The following EOGT variants were observed in gnomAD, a reference collection of about 807,000 sequenced individuals.
EOGT encodes EGF domain-specific O-linked N-acetylglucosamine transferase.
EOGT carries 55 observed loss-of-function variants against 70.5 expected under a neutral mutation model. That is an observed-to-expected ratio of 0.78 (90% confidence interval 0.63 to 0.98). EOGT has a LOEUF of 0.98. Among genes scored for constraint, EOGT ranks in the 50% least tolerant of loss-of-function variants. The pLI, the probability that EOGT is intolerant of heterozygous loss-of-function variation, is 0.00. For missense variants in EOGT, 703 were observed against 641.9 expected, an observed-to-expected ratio of 1.10 and a Z score of -1.03; for synonymous variants, 246 against 217.1, an observed-to-expected ratio of 1.13 and a Z score of -1.17.
At chr3:69,001,791 G>A in intron 8 of EOGT, 77 bp from the exon 9 acceptor site, 1 of 985,534 alleles carries the variant, frequency 1.0e-6, no homozygotes, top group Non-Finnish European at 1.6e-6. Flanking sequence ...CTTAGGATCT[G>A]TTCATTAGGC....
rs1249415948 is a variant in EOGT at position 68,977,663 on chromosome 3, C to T, written c.1539G>A (p.Leu513=). ...YLVLQAADHV[L]QHPKWPFKKK... is the part of the protein sequence containing the mutation. ...TCTTAAATGGCCACTTTGGGTGTTG[C>T]AATACGTGGTCTGCAGCCTGAAGGA... Residue 513 remains leucine, a synonymous_variant, in exon 18 of 18, where the codon TTG becomes TTA. Coordinates refer to ENST00000383701, the MANE Select transcript of EOGT (RefSeq NM_001278689.2). 2 of 1,613,902 alleles carry T rather than the reference C, an allele frequency of 1.2e-6. No individual in the cohort carries two copies. Among genetic ancestry groups the T allele is most frequent in the Non-Finnish European group, 1.7e-6 (2 of 1,179,930 alleles).
rs73835392 is a variant in EOGT at position 68,987,099 on chromosome 3, G to C, written c.1152+346C>G. Among the ~76,000 whole-genome samples, 125 of 152,288 alleles carry C rather than the reference G, an allele frequency of 8.2e-4. 1 individual carries two copies. The highest frequency in any genetic ancestry group is 6.8e-3 in the Middle Eastern group (2 of 294). ...TGCTGCTGATACCACAGGATTAATG[G>C]CCTCAACCATCTGTTGCATCAACTA... On this transcript the variant is annotated intron_variant, in intron 14 of 17. Transcript: ENST00000383701.
chr3:68,984,058 T>C (rs1391068603), intron 14 of EOGT, among the ~76,000 whole-genome samples: 4 of 152,146 alleles, frequency 2.6e-5, no homozygotes, highest in African/African-American at 4.8e-5. Context: ...AGAAGTGAAA[T>C]AACTTTCCCA....
chr3:69,004,647 A>T (rs1042835795), intron 7 of EOGT, among the ~76,000 whole-genome samples, 165 bp from the exon 8 acceptor site: 1 of 152,202 alleles, frequency 6.6e-6, no homozygotes, highest in African/African-American at 2.4e-5. Context: ...ACAGAATCCT[A>T]TCAGGACCCT....
chr3:68,996,388 G>C (rs558066436), intron 10 of EOGT, among the ~76,000 whole-genome samples: 2 of 152,226 alleles, frequency 1.3e-5, no homozygotes, highest in Admixed American at 1.3e-4. Flanking sequence ...TAGCTAAGTC[G>C]GCTCTCTGCA....
In EOGT at chr3:69,009,765, TGTGA is replaced by T. The variant is rs771160630; in HGVS notation, c.78_81del (p.His27AlafsTer46). The T allele has an allele frequency of 8.9e-5, 144 of 1,614,144 alleles. No homozygotes were observed. Among genetic ancestry groups the T allele is most frequent in the Middle Eastern group, 1.6e-4 (1 of 6,062 alleles). On this transcript the variant is annotated frameshift_variant, in exon 4 of 18. Coordinates refer to ENST00000383701, the MANE Select transcript of EOGT (RefSeq NM_001278689.2). LOFTEE classifies it high-confidence loss of function. ...TTATACAGAGGTTCGCCTGGAATGC[TGTGA>T]GTATTAGGAGGAGCTTCATTCTGAC... is the stretch of plus-strand genomic sequence containing the variant.
At chr3:68,993,587 C>G (rs1383254613) in intron 10 of EOGT, among the ~76,000 whole-genome samples, 1 of 152,164 alleles carries the variant, frequency 6.6e-6, no homozygotes, top group African/African-American at 2.4e-5. Context: ...TCAAACTGTT[C>G]CAATCGCTGC....
In EOGT at chr3:68,990,832, C is replaced by A. The variant is rs187397758; in HGVS notation, c.832-1815G>T. Among the ~76,000 whole-genome samples, 72 of 150,286 alleles carry A rather than the reference C, an allele frequency of 4.8e-4. 1 individual carries two copies. The highest frequency in any genetic ancestry group is 3.7e-4 in the Non-Finnish European group (25 of 67,784). Reference sequence around the variant, plus strand: ...TGTCTCTTTTTTATAGCATTCTTTTCTCAGATTTTGAAAATTTTATGTTGC... The same window carrying A: ...TGTCTCTTTTTTATAGCATTCTTTTATCAGATTTTGAAAATTTTATGTTGC... On this transcript the variant is annotated intron_variant, in intron 10 of 17. Coordinates refer to ENST00000383701, the MANE Select transcript of EOGT (RefSeq NM_001278689.2).
chr3:68,976,772 G>A lies in EOGT; in HGVS notation c.*846C>T, dbSNP rs1380759428. 6.6e-6 allele frequency: 1 copy of A among 151,802 alleles called. No individual in the cohort carries two copies. Among genetic ancestry groups the A allele is most frequent in the Non-Finnish European group, 1.5e-5 (1 of 68,018 alleles). 9.4% of individuals were successfully genotyped at this position (151,802 alleles called of 1,614,324 possible). On this transcript the variant is annotated 3_prime_UTR_variant, in exon 18 of 18. Coordinates refer to ENST00000383701, the MANE Select transcript of EOGT (RefSeq NM_001278689.2). Reference sequence around the variant, plus strand: ...ATTTACCCAAATATATCATAAACAAGTTGGAACACTCTGGAATTACAGTCA... The same window carrying A: ...ATTTACCCAAATATATCATAAACAAATTGGAACACTCTGGAATTACAGTCA...
intron 9 of EOGT, among the ~76,000 whole-genome samples, chr3:68,999,400 T>C (rs531810960): frequency 1.3e-5 from 2 of 152,292 alleles, no homozygotes; most frequent in Admixed American, 6.5e-5. Flanking sequence ...CCTGGAAATA[T>C]ACAAATCTAA....
At position 68,976,944 on chromosome 3, in the gene EOGT, T is replaced by G. The variant is rs1401852012; in HGVS notation, c.*674A>C. On this transcript the variant is annotated 3_prime_UTR_variant, in exon 18 of 18. Coordinates refer to ENST00000383701, the MANE Select transcript of EOGT (RefSeq NM_001278689.2). ...TGGGAGGCAAGGTGGGAGGATTTCT[T>G]GAACCCAGAGTTCGAGACCAGCCTG... 6.5e-6 allele frequency: 1 copy of G among 152,694 alleles called. No homozygotes were observed. The highest frequency in any genetic ancestry group is 1.9e-4 in the East Asian group (1 of 5,200). 9.5% of individuals were successfully genotyped at this position (152,694 alleles called of 1,614,324 possible). A position where few individuals can be genotyped will look rare whatever the true frequency, so the allele number is the denominator to read the frequency against.
rs142739966 is a variant in EOGT, at chr3:69,008,477, G to T, written c.262C>A (p.Pro88Thr). The T allele has an allele frequency of 4.2e-5, 67 of 1,614,058 alleles. No homozygotes were observed. Among genetic ancestry groups the T allele is most frequent in the Non-Finnish European group, 5.3e-5 (62 of 1,180,008 alleles). ...ACTGGGTAACCAAACCTGAACTCTG[G>T]TTTGCAGGATTTCTCATAACCCCAG... ...YCWGYEKSCK[P>T]EFRFGYPVCS... Residue 88 changes from proline to threonine, a missense_variant, in exon 5 of 18, where the codon CCA becomes ACA. Physicochemically the swap from Pro to Thr is conservative, Grantham distance 38. Transcript: ENST00000383701.
intron 6 of EOGT, among the ~76,000 whole-genome samples, chr3:69,007,165 T>C (rs2091456149): frequency 6.6e-6 from 1 of 152,180 alleles, no homozygotes; most frequent in Non-Finnish European, 1.5e-5. Context: ...TCTTAAAATA[T>C]GACTATCTGA....
At chr3:68,998,351 G>A (rs2091208883) in intron 9 of EOGT, among the ~76,000 whole-genome samples, 1 of 152,158 alleles carries the variant, frequency 6.6e-6, no homozygotes, top group Admixed American at 6.5e-5. Flanking sequence ...AATCAGGAAT[G>A]CATTTTCCCA....
chr3:68,990,696 GATCA>G (rs1474989444), intron 10 of EOGT, among the ~76,000 whole-genome samples: 2 of 151,994 alleles, frequency 1.3e-5, no homozygotes, highest in African/African-American at 4.8e-5. Context: ...TAGCTAAGAA[GATCA>G]ATTAATTTTT....
At position 69,006,101 on chromosome 3, in the gene EOGT, A is replaced by ATAC. The variant is rs2091434054; in HGVS notation, c.421-870_421-868dup. On this transcript the variant is annotated intron_variant, in intron 6 of 17. Coordinates refer to ENST00000383701, the MANE Select transcript of EOGT (RefSeq NM_001278689.2). The stretch of plus-strand genomic sequence containing the variant: ...AGCCCAAACAACTAAGACAAGGATC[A>ATAC]TACTCTGCTAGCACAAAGCAAATCA... Among the ~76,000 whole-genome samples the ATAC allele has an allele frequency of 2.0e-5, 3 of 152,264 alleles. No individual in the cohort carries two copies. In the South Asian group the frequency reaches 6.2e-4, roughly 31 times the overall value.
rs2090896349 is a variant in EOGT at position 68,988,909 on chromosome 3, G to A, written c.924+16C>T. ...TCAAGAAATATTCACAGACATTTCA[G>A]GAAAATTTCCAGTACCCTTTTGGAA... On this transcript the variant is annotated intron_variant, in intron 11 of 17. Coordinates refer to ENST00000383701, the MANE Select transcript of EOGT (RefSeq NM_001278689.2). The A allele has an allele frequency of 1.4e-6, 2 of 1,401,212 alleles. No homozygotes were observed. Among genetic ancestry groups the A allele is most frequent in the Non-Finnish European group, 1.9e-6 (2 of 1,033,632 alleles). The allele number at this position is 1,401,212 out of a possible 1,614,324, so 86.8% of individuals were successfully genotyped here.
At chr3:68,984,735 G>C (rs1334679236) in intron 14 of EOGT, among the ~76,000 whole-genome samples, 1 of 152,056 alleles carries the variant, frequency 6.6e-6, no homozygotes, top group East Asian at 1.9e-4. Context: ...CAATGCGCAT[G>C]ACTGGATCTG....
At chr3:68,980,619 C>T (rs567272471) in intron 15 of EOGT, among the ~76,000 whole-genome samples, 1 of 152,288 alleles carries the variant, frequency 6.6e-6, no homozygotes, top group Admixed American at 6.5e-5. Context: ...TTTGGATCTA[C>T]GAAGGGAAGC....
Sources: gnomAD v4.1 joint callset for allele counts (sites outside exome capture counted in the v4.1 genomes callset) on GRCh38, gnomAD v4.1.1 for gene constraint, MANE v1.5 for transcripts, NCBI Gene and HGNC (gene_info 2026-07-23, HGNC 2026-07-21) for gene names.